The following FHIT variants were observed in gnomAD, a reference collection of about 807,000 sequenced individuals.
FHIT encodes the protein bis(5'-adenosyl)-triphosphatase.
Under a neutral mutation model 17.9 loss-of-function variants are expected in FHIT, and 19 were observed. That is an observed-to-expected ratio of 1.06 (90% CI 0.74 to 1.56). The LOEUF is 1.56. Ranked by LOEUF, FHIT falls within the 40% of genes most tolerant of loss-of-function variation. The pLI is 0.00. For missense variants in FHIT, 248 were observed against 189.2 expected (o/e 1.31, Z -1.82); for synonymous variants, 81 against 69.7 (o/e 1.16, Z -0.81).
intron 5 of FHIT, among the ~76,000 whole-genome samples, chr3:60,148,076 G>C (rs530239443): frequency 6.6e-6 from 1 of 152,148 alleles, no homozygotes; most frequent in Non-Finnish European, 1.5e-5. Flanking sequence ...TGCCTGGTAA[G>C]ACTAAGAGGA....
At chr3:61,157,704 T>C (rs2037571973) in intron 2 of FHIT, among the ~76,000 whole-genome samples, 1 of 152,194 alleles carries the variant, frequency 6.6e-6, no homozygotes, top group Admixed American at 6.6e-5. Flanking sequence ...TTGTTTATGT[T>C]CTAGTTGCCA....
intron 8 of FHIT, among the ~76,000 whole-genome samples, chr3:59,843,721 T>C (rs1489221507): frequency 6.6e-6 from 1 of 152,198 alleles, no homozygotes; most frequent in African/African-American, 2.4e-5. Flanking sequence ...TTTTTGTTTG[T>C]TGACTTTGTG....
Position 60,011,356 on chromosome 3 carries a change from A to G in FHIT, c.279+15T>C. ...TCGCCTCTTATTAATTTGTATGCAC[A>G]TAATAAGCACTCACCTTCACAGTCT... On this transcript the variant is annotated intron_variant, in intron 7 of 9. Transcript: ENST00000492590. The G allele has an allele frequency of 6.2e-7, 1 of 1,612,942 alleles. No homozygotes were observed. The highest frequency in any genetic ancestry group is 1.1e-5 in the South Asian group (1 of 91,070).
intron 5 of FHIT, among the ~76,000 whole-genome samples, chr3:60,433,894 T>C (rs529887205): frequency 1.2e-4 from 19 of 152,252 alleles, no homozygotes; most frequent in Admixed American, 1.1e-3. Flanking sequence ...GACTGTTTCC[T>C]TTGCTGTGCA....
intron 4 of FHIT, among the ~76,000 whole-genome samples, chr3:60,541,920 G>C (rs189719703): frequency 1.3e-5 from 2 of 152,158 alleles, no homozygotes; most frequent in African/African-American, 2.4e-5. Flanking sequence ...CCCATGAAAG[G>C]CTCTTCTTTT....
chr3:60,453,296 C>T (rs1351152047), intron 5 of FHIT, among the ~76,000 whole-genome samples: 1 of 151,860 alleles, frequency 6.6e-6, no homozygotes, highest in East Asian at 1.9e-4. Context: ...TTTCTGGGGA[C>T]ACAGAAGGAT....
chr3:59,790,318 G>A (rs981006463), intron 8 of FHIT, among the ~76,000 whole-genome samples: 11 of 152,184 alleles, frequency 7.2e-5, no homozygotes, highest in African/African-American at 2.4e-4. Flanking sequence ...TAGATACAAT[G>A]GTTTAAGGAC....
At chr3:60,281,105 G>C (rs1229876380) in intron 5 of FHIT, among the ~76,000 whole-genome samples, 2 of 43,422 alleles carry the variant, frequency 4.6e-5, no homozygotes, top group African/African-American at 1.0e-4. Flanking sequence ...ACTTATATTA[G>C]CGTAAAAAAT....
At chr3:61,127,767 G>A (rs2036651908) in intron 2 of FHIT, among the ~76,000 whole-genome samples, 1 of 151,980 alleles carries the variant, frequency 6.6e-6, no homozygotes, top group South Asian at 2.1e-4. Context: ...ATACTCAGGA[G>A]GCTGAGACAG....
intron 7 of FHIT, among the ~76,000 whole-genome samples, chr3:59,956,329 T>A (rs1707395365): frequency 6.6e-6 from 1 of 151,490 alleles, no homozygotes; most frequent in Non-Finnish European, 1.5e-5. Flanking sequence ...AGCCCAGGAG[T>A]TTGAGACCAG....
intron 5 of FHIT, among the ~76,000 whole-genome samples, chr3:60,448,482 T>A (rs1335041222): frequency 6.6e-6 from 1 of 152,192 alleles, no homozygotes; most frequent in Non-Finnish European, 1.5e-5. Flanking sequence ...TTACATAAAA[T>A]CTGCTCATCT....
intron 5 of FHIT, among the ~76,000 whole-genome samples, chr3:60,497,835 T>C (rs1390314892): frequency 6.6e-6 from 1 of 152,204 alleles, no homozygotes; most frequent in East Asian, 1.9e-4. Flanking sequence ...TGGCTTAGGA[T>C]GCTGATTTCT....
intron 8 of FHIT, among the ~76,000 whole-genome samples, chr3:59,907,229 G>C (rs995054693): frequency 2.0e-5 from 3 of 152,180 alleles, no homozygotes; most frequent in Non-Finnish European, 4.4e-5. Flanking sequence ...CTTTATCAGA[G>C]ACCACCATCC....
chr3:59,859,103 G>A (rs757710641), intron 8 of FHIT, among the ~76,000 whole-genome samples: 1 of 152,170 alleles, frequency 6.6e-6, no homozygotes, highest in Admixed American at 6.5e-5. Context: ...GCTGGACAGG[G>A]ACAGTATAAG....
At chr3:60,579,906 A>G (rs782625128) in intron 4 of FHIT, among the ~76,000 whole-genome samples, 2 of 152,122 alleles carry the variant, frequency 1.3e-5, no homozygotes, top group Non-Finnish European at 2.9e-5. Context: ...GGATCTGGCC[A>G]CTTCTCCATG....
intron 4 of FHIT, among the ~76,000 whole-genome samples, chr3:60,790,289 A>T (rs781855791): frequency 6.6e-6 from 1 of 152,218 alleles, no homozygotes; most frequent in Non-Finnish European, 1.5e-5. Context: ...AAGGAAGGAC[A>T]AGTCTAGATT....
At chr3:60,489,255 G>T (rs2033966629) in intron 5 of FHIT, among the ~76,000 whole-genome samples, 1 of 152,092 alleles carries the variant, frequency 6.6e-6, no homozygotes, top group Admixed American at 6.6e-5. Context: ...TCCAGCTCAA[G>T]TTGCAATTCA....
chr3:59,796,139 T>C (rs914393425), intron 8 of FHIT, among the ~76,000 whole-genome samples: 1 of 152,212 alleles, frequency 6.6e-6, no homozygotes, highest in Non-Finnish European at 1.5e-5. Context: ...CTGTGTCTAC[T>C]GATTGGGTAG....
chr3:61,211,079 A>C (rs532308486), intron 1 of FHIT, among the ~76,000 whole-genome samples: 105 of 152,094 alleles, frequency 6.9e-4, no homozygotes, highest in African/African-American at 2.5e-3. Flanking sequence ...TGAGCAATGC[A>C]GAAGAAGGGT....
Sources: gnomAD v4.1 joint callset for allele counts (sites outside exome capture counted in the v4.1 genomes callset) on GRCh38, gnomAD v4.1.1 for gene constraint, MANE v1.5 for transcripts, NCBI Gene and HGNC (gene_info 2026-07-23, HGNC 2026-07-21) for gene names.